The following RBFOX3 variants were observed in gnomAD, a reference collection of about 807,000 sequenced individuals.
RBFOX3 encodes RNA binding protein fox-1 homolog 3.
A neutral mutation model predicts 48.7 loss-of-function variants in RBFOX3; 17 were observed. That is an observed-to-expected ratio of 0.35 (90% CI 0.24 to 0.52). The LOEUF is 0.52. RBFOX3 is among the 20% of genes least tolerant of loss of function. The pLI, the probability that RBFOX3 is intolerant of heterozygous loss-of-function variation, is 0.94. For synonymous variants in RBFOX3, 212 were observed against 209.5 expected, an observed-to-expected ratio of 1.01 and a Z score of -0.10; for missense variants, 382 against 497.5, an observed-to-expected ratio of 0.77 and a Z score of 2.21.
At chr17:79,476,164 C>G (rs916110613) in intron 2 of RBFOX3, among the ~76,000 whole-genome samples, 6 of 152,198 alleles carry the variant, frequency 3.9e-5, no homozygotes, top group African/African-American at 1.4e-4. Context: ...CCTCCCTTCC[C>G]GCTCCAGCGC....
intron 3 of RBFOX3, among the ~76,000 whole-genome samples, chr17:79,270,828 C>T (rs1415621268): frequency 2.6e-5 from 4 of 152,370 alleles, no homozygotes; most frequent in East Asian, 1.9e-4. Context: ...CATGACAATA[C>T]CTTGCACAGA....
chr17:79,282,105 C>T (rs1369946396), intron 3 of RBFOX3, among the ~76,000 whole-genome samples: 1 of 152,136 alleles, frequency 6.6e-6, no homozygotes, highest in African/African-American at 2.4e-5. Context: ...TAGTGCTGAC[C>T]AAAGGCCCTG....
At chr17:79,525,167 G>C (rs986775261) in intron 1 of RBFOX3, among the ~76,000 whole-genome samples, 2 of 152,110 alleles carry the variant, frequency 1.3e-5, no homozygotes, top group South Asian at 4.2e-4. Context: ...TTGTGGGGCC[G>C]TCCTGTGCAT....
intron 3 of RBFOX3, among the ~76,000 whole-genome samples, chr17:79,302,389 GAC>G (rs1397853592): frequency 1.3e-5 from 2 of 152,198 alleles, no homozygotes; most frequent in African/African-American, 4.8e-5. Flanking sequence ...TACAGAAATA[GAC>G]AGTGTTGGCC....
intron 1 of RBFOX3, among the ~76,000 whole-genome samples, chr17:79,519,990 G>A (rs911483222): frequency 2.6e-5 from 4 of 151,456 alleles, no homozygotes; most frequent in East Asian, 1.9e-4. Context: ...TGGCTGTGCC[G>A]AGTTCTGAGT....
chr17:79,505,186 T>C (rs958923891), intron 1 of RBFOX3, among the ~76,000 whole-genome samples: 4 of 152,188 alleles, frequency 2.6e-5, no homozygotes, highest in South Asian at 2.1e-4. Flanking sequence ...CTCTATCAGC[T>C]ATTAGCACCA....
chr17:79,232,185 G>A (rs1222569483), intron 4 of RBFOX3, among the ~76,000 whole-genome samples: 4 of 152,126 alleles, frequency 2.6e-5, no homozygotes, highest in Admixed American at 1.3e-4. Context: ...GAGGTGAGAT[G>A]GGCATATCAA....
chr17:79,491,188 A>G (rs368649820), intron 1 of RBFOX3, among the ~76,000 whole-genome samples: 15 of 36,514 alleles, frequency 4.1e-4, no homozygotes, highest in Non-Finnish European at 4.8e-4. Context: ...GGAGGGGAGG[A>G]GAGAGGAGGG....
intron 1 of RBFOX3, among the ~76,000 whole-genome samples, chr17:79,491,355 TA>T (rs2080610744): frequency 6.6e-6 from 1 of 151,960 alleles, no homozygotes; most frequent in Non-Finnish European, 1.5e-5. Flanking sequence ...CCAAGGACTT[TA>T]AAAAGCCATT....
intron 1 of RBFOX3, among the ~76,000 whole-genome samples, chr17:79,571,466 A>G (rs1362754640): frequency 6.6e-6 from 1 of 151,990 alleles, no homozygotes; most frequent in Non-Finnish European, 1.5e-5. Flanking sequence ...AGGCCCCATC[A>G]TAAAAGAAGT....
chr17:79,108,559 G>A (rs1309287687), intron 5 of RBFOX3, among the ~76,000 whole-genome samples: 1 of 152,244 alleles, frequency 6.6e-6, no homozygotes, highest in Non-Finnish European at 1.5e-5. Flanking sequence ...ATGGAGCCAG[G>A]GAGGCAGAGC....
intron 1 of RBFOX3, among the ~76,000 whole-genome samples, chr17:79,580,568 C>G (rs36152271): frequency 0.035 from 5,273 of 152,072 alleles, 155 homozygotes; most frequent in East Asian, 0.16. Flanking sequence ...TGAGGCACCT[C>G]GATCAGCCAG....
chr17:79,453,419 T>C, intron 2 of RBFOX3, among the ~76,000 whole-genome samples: 1 of 152,022 alleles, frequency 6.6e-6, no homozygotes, highest in East Asian at 1.9e-4. Context: ...TGGCCCTGAG[T>C]GGCCAGCTCA....
intron 3 of RBFOX3, among the ~76,000 whole-genome samples, chr17:79,258,325 G>A (rs957721649): frequency 4.6e-5 from 7 of 152,130 alleles, no homozygotes; most frequent in Admixed American, 1.3e-4. Flanking sequence ...GATCTGAAAC[G>A]GATTCCCGCT....
intron 2 of RBFOX3, among the ~76,000 whole-genome samples, chr17:79,319,834 T>C (rs1259689640): frequency 3.5e-5 from 2 of 56,784 alleles, no homozygotes; most frequent in Non-Finnish European, 7.2e-5. Flanking sequence ...GCTGCTGGTC[T>C]TGTCCGGGCT....
chr17:79,260,939 C>T (rs2065658025), intron 3 of RBFOX3, among the ~76,000 whole-genome samples: 7 of 152,174 alleles, frequency 4.6e-5, no homozygotes. Flanking sequence ...ACACTCCACC[C>T]AGGGCCTTTG....
intron 1 of RBFOX3, among the ~76,000 whole-genome samples, chr17:79,543,061 C>T (rs1182379692): frequency 1.3e-5 from 2 of 152,136 alleles, no homozygotes; most frequent in Non-Finnish European, 2.9e-5. Context: ...GCCTCCCTCA[C>T]AACCACAACC....
chr17:79,222,988 G>C (rs2059910789), intron 4 of RBFOX3, among the ~76,000 whole-genome samples: 1 of 152,100 alleles, frequency 6.6e-6, no homozygotes, highest in Admixed American at 6.5e-5. Flanking sequence ...TCAGGGTGTG[G>C]GTCTGCCACC....
In RBFOX3 at chr17:79,535,915, C is replaced by G. The variant is rs573611204; in HGVS notation, c.-319-53317G>C. On this transcript the variant is annotated intron_variant, in intron 1 of 14. Transcript: ENST00000693108. This position sits in a 1 kb window ranked among gnomAD's most constrained non-coding sequence, Gnocchi z 4.5. ...ACCTCCCCCAGCCACTGCACCCCTGCCCGTGACCAGTAGCGGCAGGGTCAT... is the reference window on the plus strand; with the variant it reads ...ACCTCCCCCAGCCACTGCACCCCTGGCCGTGACCAGTAGCGGCAGGGTCAT... Among the ~76,000 whole-genome samples the G allele has an allele frequency of 5.9e-5, 9 of 152,308 alleles. No individual in the cohort carries two copies. In the South Asian group the frequency reaches 1.9e-3, roughly 32 times the overall value.
Sources: allele counts gnomAD v4.1 joint callset (sites outside exome capture counted in the v4.1 genomes callset), GRCh38; gene constraint gnomAD v4.1.1; non-coding constraint Gnocchi (gnomAD v3.1); transcripts MANE v1.5; gene names NCBI Gene and HGNC (gene_info 2026-07-23, HGNC 2026-07-21).